The following LY96 variants were observed in gnomAD, a reference collection of about 807,000 sequenced individuals.
LY96 encodes lymphocyte antigen 96.
A neutral mutation model predicts 18.9 loss-of-function variants in LY96; 18 were observed. The observed-to-expected ratio is 0.95, with a 90% CI of 0.66 to 1.41. The LOEUF (loss-of-function observed/expected upper bound fraction) is 1.41. Among genes scored for constraint, LY96 ranks in the 40% most tolerant of loss-of-function variants. LY96 has a pLI of 0.00. For synonymous variants in LY96, 66 were observed against 62.6 expected (o/e 1.06, Z -0.26); for missense variants, 175 against 182.4 (o/e 0.96, Z 0.23).
the LY96 span, among the ~76,000 whole-genome samples, chr8:74,069,468 C>A: frequency 1.3e-5 from 2 of 152,302 alleles, no homozygotes; most frequent in African/African-American, 4.8e-5. Context: ...TATTCACACA[C>A]GTGACCAGGA....
chr8:74,069,279 A>G, the LY96 span, among the ~76,000 whole-genome samples: 1 of 152,136 alleles, frequency 6.6e-6, no homozygotes, highest in African/African-American at 2.4e-5. Flanking sequence ...GGTCATGAAG[A>G]TGTTCTCCAG....
chr8:73,999,683 A>T (rs991745597), intron 1 of LY96, among the ~76,000 whole-genome samples: 1 of 152,032 alleles, frequency 6.6e-6, no homozygotes, highest in Non-Finnish European at 1.5e-5. Context: ...TTTCTTTAAA[A>T]TTTTTTAAAG....
chr8:74,034,373 TAA>T, the LY96 span, among the ~76,000 whole-genome samples: 1 of 145,666 alleles, frequency 6.9e-6, no homozygotes. Flanking sequence ...CTCTGTGCCT[TAA>T]AAAAAAAAAA....
rs4738409 is a variant in LY96 at position 73,992,529 on chromosome 8, G to C, written c.112+975G>C. Reference sequence around the variant, plus strand: ...AATTTCATTTGTTGTTTGTTTGTTTGTGTTTTAGTCTGGAGTGTATGTTAA... The same window carrying C: ...AATTTCATTTGTTGTTTGTTTGTTTCTGTTTTAGTCTGGAGTGTATGTTAA... On this transcript the variant is annotated intron_variant, in intron 1 of 4. Coordinates refer to ENST00000284818, the MANE Select transcript of LY96 (RefSeq NM_015364.5). 4.0e-3 allele frequency among the ~76,000 whole-genome samples: 605 copies of C among 152,284 alleles called. 22 individuals carry two copies. Among genetic ancestry groups the C allele is most frequent in the Admixed American group, 0.035 (542 of 15,292 alleles).
At chr8:74,054,892 A>G in the LY96 span, among the ~76,000 whole-genome samples, 1 of 151,536 alleles carries the variant, frequency 6.6e-6, no homozygotes, top group African/African-American at 2.4e-5. Context: ...ACTATAAAAA[A>G]ATCATGCACC....
At chr8:74,026,002 C>A (rs1269892748) in intron 3 of LY96, among the ~76,000 whole-genome samples, 1 of 152,120 alleles carries the variant, frequency 6.6e-6, no homozygotes, top group African/African-American at 2.4e-5. Context: ...AGTGAGACTC[C>A]ATCTCAAAAC....
the LY96 span, among the ~76,000 whole-genome samples, chr8:74,034,642 T>G: frequency 6.6e-6 from 1 of 152,200 alleles, no homozygotes; most frequent in Non-Finnish European, 1.5e-5. Context: ...TTTCCTTGTT[T>G]TACCTCCAAG....
At chr8:74,007,024 G>C (rs1816425944) in intron 2 of LY96, among the ~76,000 whole-genome samples, 1 of 152,242 alleles carries the variant, frequency 6.6e-6, no homozygotes, top group Non-Finnish European at 1.5e-5. Flanking sequence ...CCTTTGAAAA[G>C]AGAGTAGGGA....
At chr8:74,045,520 T>C in the LY96 span, among the ~76,000 whole-genome samples, 1 of 152,344 alleles carries the variant, frequency 6.6e-6, no homozygotes, top group African/African-American at 2.4e-5. Flanking sequence ...CTGTAAGGTA[T>C]TATTACTGTG....
At chr8:74,070,098 CT>C in the LY96 span, among the ~76,000 whole-genome samples, 57 of 145,604 alleles carry the variant, frequency 3.9e-4, no homozygotes, top group Middle Eastern at 3.6e-3. Context: ...AATTTTCTTT[CT>C]TTTTTTTTTT....
the LY96 span, among the ~76,000 whole-genome samples, chr8:74,035,148 G>T: frequency 2.6e-5 from 4 of 152,130 alleles, no homozygotes; most frequent in Non-Finnish European, 5.9e-5. Flanking sequence ...TGTACTCAAG[G>T]CATAGAAGTT....
the LY96 span, among the ~76,000 whole-genome samples, chr8:74,052,101 G>T: frequency 1.3e-5 from 2 of 152,226 alleles, no homozygotes; most frequent in East Asian, 3.8e-4. Context: ...TGGCAATATT[G>T]TTGGGGAGAG....
chr8:74,044,680 C>T, the LY96 span, among the ~76,000 whole-genome samples: 1 of 152,166 alleles, frequency 6.6e-6, no homozygotes, highest in Non-Finnish European at 1.5e-5. Flanking sequence ...ACTCACATTA[C>T]CTTTTCATTC....
chr8:74,081,834 A>G, the LY96 span, among the ~76,000 whole-genome samples: 1 of 151,970 alleles, frequency 6.6e-6, no homozygotes, highest in African/African-American at 2.4e-5. Context: ...TTGTATTTTT[A>G]GTAGAGATGG....
At chr8:74,031,613 C>T (rs561399310), downstream of LY96, among the ~76,000 whole-genome samples, 39 of 144,774 alleles carry the variant, frequency 2.7e-4, no homozygotes, top group Admixed American at 1.1e-3. Flanking sequence ...CCAGCCTGGG[C>T]GACAGAGTGA....
chr8:74,090,745 T>G, the LY96 span, among the ~76,000 whole-genome samples: 1 of 152,190 alleles, frequency 6.6e-6, no homozygotes, highest in African/African-American at 2.4e-5. Flanking sequence ...TTAGCTGGAG[T>G]GTATTCTGGG....
intron 1 of LY96, among the ~76,000 whole-genome samples, chr8:74,001,580 G>T (rs990818965): frequency 2.6e-5 from 4 of 151,900 alleles, no homozygotes; most frequent in Non-Finnish European, 5.9e-5. Flanking sequence ...GGCCACATGT[G>T]GTGACTTATG....
At chr8:74,050,014 T>TC in the LY96 span, among the ~76,000 whole-genome samples, 635 of 152,168 alleles carry the variant, frequency 4.2e-3, 2 homozygotes, top group African/African-American at 0.014. Context: ...CAGGACTCCA[T>TC]TTTTTAAATA....
At chr8:73,996,664 C>G (rs1426214498) in intron 1 of LY96, among the ~76,000 whole-genome samples, 1 of 151,024 alleles carries the variant, frequency 6.6e-6, no homozygotes, top group African/African-American at 2.4e-5. Context: ...AATGATCCAC[C>G]CACCTTGGCC....
Sources: gnomAD v4.1 joint callset for allele counts (sites outside exome capture counted in the v4.1 genomes callset) on GRCh38, gnomAD v4.1.1 for gene constraint, MANE v1.5 for transcripts, NCBI Gene and HGNC (gene_info 2026-07-23, HGNC 2026-07-21) for gene names.